MTAP: variants seen among roughly 807,000 people sequenced by gnomAD.
MTAP encodes the protein methylthioadenosine phosphorylase.
In MTAP, 33 loss-of-function variants were observed where a neutral mutation model predicts 33.6. The ratio of observed to expected loss-of-function variants is 0.98; its 90% CI spans 0.74 to 1.31. MTAP has a LOEUF of 1.31. Ranked by LOEUF, MTAP falls within the 40% of genes most tolerant of loss-of-function variation. The pLI is 0.00. For synonymous variants in MTAP, 148 were observed against 125.7 expected (o/e 1.18, Z -1.19); for missense variants, 367 against 360.0 (o/e 1.02, Z -0.16).
intron 5 of MTAP, among the ~76,000 whole-genome samples, chr9:21,840,567 T>A (rs1324956352): frequency 6.6e-6 from 1 of 152,210 alleles, no homozygotes; most frequent in Non-Finnish European, 1.5e-5. Flanking sequence ...AAAGTAGAAG[T>A]AGCAACAGGA....
downstream of MTAP, among the ~76,000 whole-genome samples, chr9:21,869,146 C>A (rs1825898045): frequency 6.6e-6 from 1 of 152,164 alleles, no homozygotes; most frequent in African/African-American, 2.4e-5. Flanking sequence ...GACCCCAATT[C>A]TATGTGCTGG....
At chr9:21,924,923 A>T (rs751348185) in intron 1 of MTAP, among the ~76,000 whole-genome samples, 4 of 152,240 alleles carry the variant, frequency 2.6e-5, no homozygotes, top group Non-Finnish European at 4.4e-5. Flanking sequence ...TTAACATTTG[A>T]ACTCACTTGG....
At chr9:21,844,564 G>A (rs1262106643) in intron 5 of MTAP, among the ~76,000 whole-genome samples, 1 of 152,142 alleles carries the variant, frequency 6.6e-6, no homozygotes, top group Admixed American at 6.5e-5. Context: ...GTGATGAAGG[G>A]ATGGTTTAAC....
At chr9:21,904,147 A>G (rs1000482697) in intron 1 of MTAP, among the ~76,000 whole-genome samples, 1 of 152,160 alleles carries the variant, frequency 6.6e-6, no homozygotes, top group African/African-American at 2.4e-5. Context: ...TCTGCTGGTC[A>G]GTGGCCTGCC....
intron 5 of MTAP, among the ~76,000 whole-genome samples, chr9:21,844,407 T>A (rs962217781): frequency 6.6e-6 from 1 of 151,920 alleles, no homozygotes; most frequent in African/African-American, 2.4e-5. Flanking sequence ...AATTACAAAA[T>A]CAGAAAAGAA....
intron 1 of MTAP, among the ~76,000 whole-genome samples, chr9:21,805,677 C>G (rs1824190603): frequency 6.6e-6 from 1 of 152,126 alleles, no homozygotes; most frequent in Non-Finnish European, 1.5e-5. Context: ...AAAAGAGGCC[C>G]CAGAGAGCTG....
chr9:21,854,951 C>T (rs1371734773), intron 6 of MTAP, 81 bp downstream of exon 6: 32 of 1,519,968 alleles, frequency 2.1e-5, no homozygotes, highest in Admixed American at 4.2e-5. Context: ...GTTTCTATTA[C>T]GTTAGTTTCA....
chr9:21,895,454 G>A (rs577713766), intron 1 of MTAP, among the ~76,000 whole-genome samples: 4 of 152,184 alleles, frequency 2.6e-5, no homozygotes, highest in East Asian at 3.8e-4. Flanking sequence ...CTGAGGTACC[G>A]GGTTCATCTC....
intron 6 of MTAP, chr9:21,856,195 T>G: frequency 1.0e-6 from 1 of 985,232 alleles, no homozygotes; most frequent in Non-Finnish European, 1.2e-6. Flanking sequence ...AGGAAAACAT[T>G]TAGGGGTGAC....
intron 5 of MTAP, among the ~76,000 whole-genome samples, chr9:21,838,691 G>A (rs912918478): frequency 4.6e-5 from 7 of 152,232 alleles, no homozygotes; most frequent in African/African-American, 1.7e-4. Flanking sequence ...GCCAGTGGTG[G>A]TATAAGGGGT....
intron 6 of MTAP, among the ~76,000 whole-genome samples, chr9:21,857,809 C>T (rs1825673187): frequency 6.6e-6 from 1 of 152,060 alleles, no homozygotes; most frequent in African/African-American, 2.4e-5. Context: ...GGTTAAATGC[C>T]TTAAATTATT....
In MTAP at chr9:21,859,525, G is replaced by T. The variant is rs991870104; in HGVS notation, c.813+100G>T. The T allele has an allele frequency of 3.7e-6, 5 of 1,363,746 alleles. No individual in the cohort carries two copies. The African/African-American group carries it at 6.0e-5, about 16-fold the overall frequency. 84.5% of individuals were successfully genotyped at this position (1,363,746 alleles called of 1,614,324 possible). ...TTTGGTCCTCATGTATTTTATGCCA[G>T]CCTAGATGTTTTCAACAAGTTTTTG... On this transcript the variant is annotated intron_variant, in intron 7 of 7. Coordinates refer to ENST00000644715, the MANE Select transcript of MTAP (RefSeq NM_002451.4).
At chr9:21,836,429 G>GC (rs376143051) in intron 4 of MTAP, among the ~76,000 whole-genome samples, 3 of 152,298 alleles carry the variant, frequency 2.0e-5, no homozygotes, top group African/African-American at 7.2e-5. Context: ...CAGGAGATGG[G>GC]CAGAGGTAGA....
intron 1 of MTAP, among the ~76,000 whole-genome samples, chr9:21,896,132 GA>G (rs1818288314): frequency 6.6e-6 from 1 of 152,168 alleles, no homozygotes; most frequent in African/African-American, 2.4e-5. Context: ...CAACTACATG[GA>G]AACTGAACAA....
rs565981687 is a variant in MTAP at position 21,854,973 on chromosome 9, T to A, written c.690+103T>A. On this transcript the variant is annotated intron_variant, in intron 6 of 7. Transcript: ENST00000644715. The stretch of plus-strand genomic sequence containing the variant: ...TTACGTTAGTTTCAGAAAGTGCCTT[T>A]CTACAAGGTTTTGAAGTTGTTAATA... 1.0e-4 allele frequency: 151 copies of A among 1,457,342 alleles called. 2 individuals are homozygous for A. The East Asian group carries it at 3.1e-3, about 30-fold the overall frequency. The allele number at this position is 1,457,342 out of a possible 1,614,324, so 90.3% of individuals were successfully genotyped here. A position where few individuals can be genotyped will look rare whatever the true frequency, so the allele number is the denominator to read the frequency against.
intron 1 of MTAP, among the ~76,000 whole-genome samples, chr9:21,909,398 T>G (rs372482997): frequency 8.9e-4 from 136 of 152,238 alleles, no homozygotes; most frequent in African/African-American, 3.1e-3. Context: ...ATGTATATAG[T>G]CCATATAGAA....
intron 5 of MTAP, among the ~76,000 whole-genome samples, chr9:21,851,566 TATTTGAAG>T (rs1825512888): frequency 6.6e-6 from 1 of 152,196 alleles, no homozygotes; most frequent in South Asian, 2.1e-4. Context: ...TTATTGTCTT[TATTTGAAG>T]ATTATGTATG....
At chr9:21,889,166 C>A (rs943134513) in intron 1 of MTAP, among the ~76,000 whole-genome samples, 1 of 151,864 alleles carries the variant, frequency 6.6e-6, no homozygotes, top group Non-Finnish European at 1.5e-5. Context: ...GAATTTTGTT[C>A]ATTTTTAAAA....
At chr9:21,839,338 A>G (rs949085538) in intron 5 of MTAP, among the ~76,000 whole-genome samples, 2 of 152,216 alleles carry the variant, frequency 1.3e-5, no homozygotes, top group African/African-American at 4.8e-5. Context: ...TGAAGTATGG[A>G]TAAAATTCTT....
Sources: gnomAD v4.1 joint callset for allele counts (sites outside exome capture counted in the v4.1 genomes callset) on GRCh38, gnomAD v4.1.1 for gene constraint, MANE v1.5 for transcripts, NCBI Gene and HGNC (gene_info 2026-07-23, HGNC 2026-07-21) for gene names.